The following FAM20C variants were observed in gnomAD, a reference collection of about 807,000 sequenced individuals.
FAM20C encodes extracellular serine/threonine protein kinase FAM20C.
Under a neutral mutation model 51.5 loss-of-function variants are expected in FAM20C, and 40 were observed. The observed-to-expected ratio is 0.78, with a 90% CI of 0.60 to 1.01. FAM20C has a LOEUF of 1.01. Ranked by LOEUF, FAM20C falls within the 50% of genes least tolerant of loss-of-function variation. The probability of loss-of-function intolerance (pLI) is 0.00; values close to 1 mark genes in which losing one functional copy is unlikely to be tolerated. For missense variants in FAM20C, 861 were observed against 844.7 expected (o/e 1.02, Z -0.24); for synonymous variants, 406 against 380.6 (o/e 1.07, Z -0.78).
chr7:255,767 G>A, intron 5 of FAM20C, 82 bp from the exon 6 acceptor site: 2 of 1,468,978 alleles, frequency 1.4e-6, no homozygotes, highest in Non-Finnish European at 1.8e-6. Flanking sequence ...GCAGAGCCCG[G>A]CCCGGCCTTG....
At chr7:235,321 G>A (rs1174022539) in intron 3 of FAM20C, among the ~76,000 whole-genome samples, 10 of 152,202 alleles carry the variant, frequency 6.6e-5, no homozygotes, top group South Asian at 4.2e-4. Context: ...AATGCCGGAC[G>A]CACGTGGACT....
rs1474747261 is a variant in FAM20C at position 193,701 on chromosome 7, C to T, written c.502C>T (p.Pro168Ser). The T allele has an allele frequency of 1.9e-6, 3 of 1,546,314 alleles. No homozygotes were observed. The highest frequency in any genetic ancestry group is 2.6e-6 in the Non-Finnish European group (3 of 1,145,166). The change falls in exon 1 of 10, where the codon CCG becomes TCG. Residue 168 changes from proline to serine, a missense_variant. By Grantham distance (74) the Pro-to-Ser change is moderately conservative. Coordinates refer to ENST00000313766, the MANE Select transcript of FAM20C (RefSeq NM_020223.4). ...ASLLARLFEH[P>S]LYRVAVPPLT... ...CCTCCTGGCCAGGCTGTTCGAGCACCCGCTTTACCGGGTGGCGGTTCCGCC... is the reference window on the plus strand; with the variant it reads ...CCTCCTGGCCAGGCTGTTCGAGCACTCGCTTTACCGGGTGGCGGTTCCGCC...
intron 2 of FAM20C, among the ~76,000 whole-genome samples, chr7:205,470 C>T (rs1415795466): frequency 1.3e-5 from 2 of 152,176 alleles, no homozygotes; most frequent in Admixed American, 1.3e-4. Flanking sequence ...AAACACTCGG[C>T]CTCGAGCAAG....
In FAM20C at chr7:205,252, A is replaced by ACCG. The variant is rs1178864724; in HGVS notation, c.785-3644_785-3643insGCC. ...CGAGTAGCTGGGACCACAGACACGC[A>ACCG]CCACCACGACGTCAGCCTCCCGAGT... On this transcript the variant is annotated intron_variant, in intron 2 of 9. Coordinates refer to ENST00000313766, the MANE Select transcript of FAM20C (RefSeq NM_020223.4). 1.0e-3 allele frequency among the ~76,000 whole-genome samples: 154 copies of ACCG among 149,924 alleles called. 3 individuals are homozygous for ACCG. The highest frequency in any genetic ancestry group is 3.6e-3 in the African/African-American group (144 of 40,528).
intron 3 of FAM20C, among the ~76,000 whole-genome samples, chr7:245,648 C>G (rs1788122542): frequency 6.6e-6 from 1 of 152,254 alleles, no homozygotes; most frequent in African/African-American, 2.4e-5. Context: ...ACGACCTTGA[C>G]AATTCCTCCA....
At chr7:241,172 A>G (rs1442551084) in intron 3 of FAM20C, among the ~76,000 whole-genome samples, 2 of 151,654 alleles carry the variant, frequency 1.3e-5, no homozygotes, top group African/African-American at 4.9e-5. Context: ...TGCTGGGGTC[A>G]CCTGGGTCTG....
At chr7:244,592 C>T (rs1338676429) in intron 3 of FAM20C, among the ~76,000 whole-genome samples, 1 of 152,236 alleles carries the variant, frequency 6.6e-6, no homozygotes, top group Non-Finnish European at 1.5e-5. Flanking sequence ...CAGTTTGCCG[C>T]CATACCTGCC....
intron 4 of FAM20C, among the ~76,000 whole-genome samples, chr7:247,601 T>C (rs757927834): frequency 1.3e-5 from 2 of 152,228 alleles, no homozygotes; most frequent in Non-Finnish European, 2.9e-5. Flanking sequence ...GTGGTGACTA[T>C]AGAAATCGCC....
chr7:247,335 T>C (rs959039430), intron 4 of FAM20C, among the ~76,000 whole-genome samples: 8 of 152,172 alleles, frequency 5.3e-5, no homozygotes, highest in African/African-American at 1.9e-4. Context: ...TTGAAGGACC[T>C]TGCCCTGGTG....
At chr7:228,244 G>A (rs1402602810) in intron 3 of FAM20C, 1 of 340,910 alleles carries the variant, frequency 2.9e-6, no homozygotes, top group Non-Finnish European at 5.8e-6. Flanking sequence ...AGATAGGTCA[G>A]TAGGCGACCC....
rs4577908 is a variant in FAM20C at position 192,800 on chromosome 7, G to A, written c.-400G>A. 0.13 allele frequency among the ~76,000 whole-genome samples: 19,901 copies of A among 147,466 alleles called. 1,527 individuals are homozygous for A. The highest frequency in any genetic ancestry group is 0.31 in the East Asian group (1,546 of 4,924). On this transcript the variant is annotated 5_prime_UTR_variant, in exon 1 of 10. Coordinates refer to ENST00000313766, the MANE Select transcript of FAM20C (RefSeq NM_020223.4). Reference sequence around the variant, plus strand: ...CGCGCTGAGGATCGGGACGCCTGCGGCCGCCGCCACCGCCCAGGCCCGTCG... The same window carrying A: ...CGCGCTGAGGATCGGGACGCCTGCGACCGCCGCCACCGCCCAGGCCCGTCG...
Position 223,640 on chromosome 7 carries a change from G to A in FAM20C, c.863+14664G>A, listed in dbSNP as rs1006999160. On this transcript the variant is annotated intron_variant, in intron 3 of 9. Transcript: ENST00000313766. ...CTGCTGCACCGAGCCCCGTGGGGAC[G>A]GCACCTGGTGCCTGCAGAGGGGTCA... Among the ~76,000 whole-genome samples, 5 of 152,308 alleles carry A rather than the reference G, an allele frequency of 3.3e-5. No individual in the cohort carries two copies. The East Asian group carries it at 5.8e-4, about 18-fold the overall frequency.
At chr7:250,955 C>T (rs922310340) in intron 5 of FAM20C, among the ~76,000 whole-genome samples, 2 of 152,232 alleles carry the variant, frequency 1.3e-5, no homozygotes, top group East Asian at 1.9e-4. Context: ...CATTGCAGAC[C>T]AAGCTCTCGG....
At chr7:199,527 A>G (rs1786034397) in intron 2 of FAM20C, among the ~76,000 whole-genome samples, 1 of 152,164 alleles carries the variant, frequency 6.6e-6, no homozygotes, top group South Asian at 2.1e-4. Context: ...TTACTATTAA[A>G]CGTGAGCCCA....
chr7:253,436 T>G lies in FAM20C; in HGVS notation c.1073-2413T>G, dbSNP rs551068954. ...AACCGTGATGCCATTTCCTGGTGACTGGAGGAGGCAGGATCTCTCCTGGGT... is the reference window on the plus strand; with the variant it reads ...AACCGTGATGCCATTTCCTGGTGACGGGAGGAGGCAGGATCTCTCCTGGGT... On this transcript the variant is annotated intron_variant, in intron 5 of 9. Transcript: ENST00000313766. Among the ~76,000 whole-genome samples, 24 of 152,244 alleles carry G rather than the reference T, an allele frequency of 1.6e-4. No individual in the cohort carries two copies. The South Asian group carries it at 5.0e-3, about 32-fold the overall frequency.
At chr7:247,357 G>A (rs1788209115) in intron 4 of FAM20C, among the ~76,000 whole-genome samples, 1 of 152,182 alleles carries the variant, frequency 6.6e-6, no homozygotes, top group African/African-American at 2.4e-5. Context: ...AGTGGAGGGA[G>A]GAGGCGCCAC....
intron 2 of FAM20C, among the ~76,000 whole-genome samples, chr7:198,733 C>T (rs775157763): frequency 4.6e-5 from 7 of 152,212 alleles, no homozygotes; most frequent in Non-Finnish European, 8.8e-5. Flanking sequence ...CGGAGCCTGA[C>T]AGCGCACCTG....
At chr7:199,449 A>G (rs1786031378) in intron 2 of FAM20C, among the ~76,000 whole-genome samples, 1 of 152,264 alleles carries the variant, frequency 6.6e-6, no homozygotes, top group Non-Finnish European at 1.5e-5. Flanking sequence ...TGCGTGCTCC[A>G]GGCTCTGAGT....
At chr7:258,569 T>TAACA in intron 8 of FAM20C, 77 bp from the exon 9 acceptor site, 1 of 1,443,646 alleles carries the variant, frequency 6.9e-7, no homozygotes, top group South Asian at 1.2e-5. Context: ...GGTGGACCCA[T>TAACA]GGCCCAGCTC....
Sources: allele counts gnomAD v4.1 joint callset (sites outside exome capture counted in the v4.1 genomes callset), GRCh38; gene constraint gnomAD v4.1.1; transcripts MANE v1.5; gene names NCBI Gene and HGNC (gene_info 2026-07-23, HGNC 2026-07-21).